PAWR: variants seen among roughly 807,000 people sequenced by gnomAD.
PAWR encodes the protein pro-apoptotic WT1 regulator.
In PAWR, 23 loss-of-function variants were observed where a neutral mutation model predicts 32.0. The ratio of observed to expected loss-of-function variants is 0.72; its 90% confidence interval spans 0.52 to 1.02. The LOEUF is 1.02. Among genes scored for constraint, PAWR ranks in the 50% least tolerant of loss-of-function variants. The probability of loss-of-function intolerance (pLI) is 0.00; values close to 1 mark genes in which losing one functional copy is unlikely to be tolerated. For missense variants in PAWR, 457 were observed against 437.7 expected (o/e 1.04, Z -0.39); for synonymous variants, 226 against 187.1 (o/e 1.21, Z -1.70).
intron 2 of PAWR, among the ~76,000 whole-genome samples, chr12:79,623,316 C>G (rs576107196): frequency 6.6e-6 from 1 of 151,970 alleles, no homozygotes; most frequent in Non-Finnish European, 1.5e-5. Context: ...TGACAACATA[C>G]CAGCAAAATT....
chr12:79,618,554 CTT>C (rs1193614897), intron 3 of PAWR, among the ~76,000 whole-genome samples: 1 of 152,162 alleles, frequency 6.6e-6, no homozygotes. Flanking sequence ...CTAACTGTAA[CTT>C]TGCACCCATT....
intron 3 of PAWR, among the ~76,000 whole-genome samples, chr12:79,615,242 G>T (rs936275313): frequency 6.6e-6 from 1 of 152,130 alleles, no homozygotes; most frequent in Non-Finnish European, 1.5e-5. Context: ...TAAGTAAAAT[G>T]TAAGTGTCTG....
At chr12:79,649,152 T>C (rs1481994284) in intron 2 of PAWR, among the ~76,000 whole-genome samples, 1 of 152,200 alleles carries the variant, frequency 6.6e-6, no homozygotes, top group African/African-American at 2.4e-5. Flanking sequence ...GGCAGCCATA[T>C]TATCTCAATT....
intron 2 of PAWR, chr12:79,688,287 G>T (rs1018490808): frequency 2.0e-5 from 3 of 151,496 alleles, no homozygotes; most frequent in African/African-American, 7.3e-5. Context: ...AAAAAGTGAA[G>T]TTTAACATCT....
At chr12:79,672,347 A>G (rs1877945255) in intron 2 of PAWR, among the ~76,000 whole-genome samples, 1 of 152,138 alleles carries the variant, frequency 6.6e-6, no homozygotes, top group Admixed American at 6.5e-5. Context: ...TTTTGCTTTA[A>G]GTTGAATACT....
At chr12:79,605,531 A>ATTT (rs1565999219) in intron 4 of PAWR, among the ~76,000 whole-genome samples, 20 of 151,084 alleles carry the variant, frequency 1.3e-4, no homozygotes, top group African/African-American at 4.4e-4. Context: ...TTTTTTTTTA[A>ATTT]AAAAAAAGCC....
intron 2 of PAWR, among the ~76,000 whole-genome samples, chr12:79,667,673 A>G (rs1458951118): frequency 6.6e-6 from 1 of 151,060 alleles, no homozygotes; most frequent in Non-Finnish European, 1.5e-5. Context: ...ATTATTATTT[A>G]CATGTAATAG....
At chr12:79,649,172 C>G (rs1445977002) in intron 2 of PAWR, among the ~76,000 whole-genome samples, 2 of 152,096 alleles carry the variant, frequency 1.3e-5, no homozygotes, top group Non-Finnish European at 2.9e-5. Context: ...TACTCCTTCA[C>G]AGAAAACTCA....
At position 79,594,371 on chromosome 12, in the gene PAWR, T is replaced by C; in HGVS notation, c.894A>G (p.Glu298=). ...TTTCTTCTTTGAGTTTTCCAATCAT[T>C]TCCTCTTTATCTTGCATCAGTCTCA... ...RLVRLMQDKE[E]MIGKLKEEID... The change falls in exon 6 of 7, where the codon GAA becomes GAG. Residue 298 remains glutamate, a synonymous_variant. Coordinates refer to ENST00000328827, the MANE Select transcript of PAWR (RefSeq NM_002583.4). The C allele has an allele frequency of 6.4e-7, 1 of 1,561,722 alleles. No homozygotes were observed. The highest frequency in any genetic ancestry group is 2.3e-5 in the East Asian group (1 of 44,210).
At chr12:79,681,854 C>T (rs1878464347) in intron 2 of PAWR, among the ~76,000 whole-genome samples, 1 of 152,162 alleles carries the variant, frequency 6.6e-6, no homozygotes, top group Non-Finnish European at 1.5e-5. Context: ...TACAATCGTA[C>T]TTTTTATTCC....
intron 6 of PAWR, 152 bp from the exon 7 acceptor site, chr12:79,592,845 C>CA (rs1465645145): frequency 1.9e-6 from 1 of 519,908 alleles, no homozygotes; most frequent in South Asian, 2.9e-5. Flanking sequence ...TATGCCCCAC[C>CA]AAAAAAGAGC....
At chr12:79,688,921 G>A (rs1488933148) in intron 2 of PAWR, among the ~76,000 whole-genome samples, 1 of 152,176 alleles carries the variant, frequency 6.6e-6, no homozygotes, top group Non-Finnish European at 1.5e-5. Flanking sequence ...GGTAGAGGGA[G>A]GTGTGATTAT....
rs375935757 is a variant in PAWR at position 79,614,079 on chromosome 12, G to T, written c.649-470C>A. ...AGGCTACAGTGCAATGGTGTCATCT[G>T]GGCTCACCGCAACCTCTGCCTCCCG... is the stretch of plus-strand genomic sequence containing the variant. On this transcript the variant is annotated intron_variant, in intron 3 of 6. Coordinates refer to ENST00000328827, the MANE Select transcript of PAWR (RefSeq NM_002583.4). Among the ~76,000 whole-genome samples the T allele has an allele frequency of 2.2e-3, 286 of 127,892 alleles. 2 individuals are homozygous for T. The highest frequency in any genetic ancestry group is 8.1e-3 in the African/African-American group (281 of 34,500). The allele number at this position is 127,892 out of a possible 152,430, so 83.9% of individuals were successfully genotyped here.
intron 2 of PAWR, among the ~76,000 whole-genome samples, chr12:79,654,251 G>T (rs762480821): frequency 2.0e-5 from 3 of 152,174 alleles, no homozygotes; most frequent in Non-Finnish European, 4.4e-5. Context: ...CCAGCAAAGT[G>T]TGGGGGAGTT....
At chr12:79,623,569 C>T (rs1187990702) in intron 2 of PAWR, among the ~76,000 whole-genome samples, 1 of 151,748 alleles carries the variant, frequency 6.6e-6, no homozygotes, top group Non-Finnish European at 1.5e-5. Context: ...TAGCCAGTTA[C>T]AAAATTTTTA....
intron 2 of PAWR, among the ~76,000 whole-genome samples, chr12:79,634,256 T>C (rs1875852893): frequency 6.6e-6 from 1 of 152,198 alleles, no homozygotes; most frequent in Admixed American, 6.6e-5. Context: ...AAGATATGTA[T>C]GAATGATAAG....
At position 79,603,092 on chromosome 12, in the gene PAWR, T is replaced by TA. The variant is rs1555233853; in HGVS notation, c.684-6435dup. Among the ~76,000 whole-genome samples, 4 of 151,636 alleles carry TA rather than the reference T, an allele frequency of 2.6e-5. No individual in the cohort carries two copies. In the South Asian group the frequency reaches 6.3e-4, roughly 24 times the overall value. On this transcript the variant is annotated intron_variant, in intron 4 of 6. Transcript: ENST00000328827. The stretch of plus-strand genomic sequence containing the variant: ...CTCTGTCTCTATAAAATTAAAAAAA[T>TA]AAAAAATTAGTCAGGCATGGTGGCA...
intron 2 of PAWR, among the ~76,000 whole-genome samples, chr12:79,650,714 T>TAA (rs34166197): frequency 0.095 from 10,713 of 112,810 alleles, 544 homozygotes; most frequent in Non-Finnish European, 0.12. Flanking sequence ...TAAAGGTTAT[T>TAA]AAAAAAAAAA....
intron 2 of PAWR, among the ~76,000 whole-genome samples, chr12:79,669,947 C>T (rs1321603797): frequency 6.6e-6 from 1 of 152,104 alleles, no homozygotes; most frequent in East Asian, 1.9e-4. Flanking sequence ...GCAATCCACC[C>T]TCCTCCACCT....
Sources: gnomAD v4.1 joint callset for allele counts (sites outside exome capture counted in the v4.1 genomes callset) on GRCh38, gnomAD v4.1.1 for gene constraint, MANE v1.5 for transcripts, NCBI Gene and HGNC (gene_info 2026-07-23, HGNC 2026-07-21) for gene names.